ASB13: variants seen among roughly 807,000 people sequenced by gnomAD.
The protein encoded by ASB13 is ankyrin repeat and SOCS box protein 13.
Under a neutral mutation model 28.8 loss-of-function variants are expected in ASB13, and 33 were observed. That is an observed-to-expected ratio of 1.15 (90% CI 0.87 to 1.53). The LOEUF is 1.53. Ranked by LOEUF, ASB13 falls within the 40% of genes most tolerant of loss-of-function variation. ASB13 has a pLI of 0.00. For synonymous variants in ASB13, 182 were observed against 172.9 expected (o/e 1.05, Z -0.41); for missense variants, 414 against 390.1 (o/e 1.06, Z -0.52).
At position 5,642,700 on chromosome 10, in the gene ASB13, G is replaced by A; in HGVS notation, c.518-739C>T. 3.2e-6 allele frequency: 1 copy of A among 314,416 alleles called. No homozygotes were observed. The highest frequency in any genetic ancestry group is 6.0e-6 in the Non-Finnish European group (1 of 166,318). The allele number at this position is 314,416 out of a possible 1,614,324, so 19.5% of individuals were successfully genotyped here. ...CTCACTCTGTTGCCCAGGCTGGAGTGCAGTGACATGATCTCGGCTCACTGC... is the reference window on the plus strand; with the variant it reads ...CTCACTCTGTTGCCCAGGCTGGAGTACAGTGACATGATCTCGGCTCACTGC... On this transcript the variant is annotated intron_variant, in intron 4 of 5. Transcript: ENST00000357700. The surrounding 1 kb of genome is among the most constrained non-coding windows in gnomAD (Gnocchi z 4.1).
intron 4 of ASB13, among the ~76,000 whole-genome samples, chr10:5,646,830 A>G (rs4749987): frequency 6.6e-6 from 1 of 152,058 alleles, no homozygotes; most frequent in East Asian, 1.9e-4. Context: ...TACTGAGCTC[A>G]TAAAGGCTTG....
intron 4 of ASB13, among the ~76,000 whole-genome samples, chr10:5,643,867 C>A (rs369974559): frequency 4.4e-4 from 67 of 152,334 alleles, no homozygotes; most frequent in African/African-American, 1.5e-3. Flanking sequence ...GGAGGCACAG[C>A]TACTCTCTCA....
rs1010771313 is a variant in ASB13, at chr10:5,655,936, C to A, written c.44-2886G>T. On this transcript the variant is annotated intron_variant, in intron 1 of 5. Transcript: ENST00000357700. The surrounding 1 kb of genome is among the most constrained non-coding windows in gnomAD (Gnocchi z 6.2). ...GGATTTAGCGTCTTCCGCTGCCACA[C>A]GCAAAGATGACTAAGATGCAGCAAT... is the stretch of plus-strand genomic sequence containing the variant. 6.6e-6 allele frequency among the ~76,000 whole-genome samples: 1 copy of A among 152,214 alleles called. No homozygotes were observed.
chr10:5,647,566 T>G (rs1834904452), intron 4 of ASB13, among the ~76,000 whole-genome samples: 1 of 152,150 alleles, frequency 6.6e-6, no homozygotes, highest in Admixed American at 6.5e-5. Flanking sequence ...TCCCATTACA[T>G]CCCCTTCTCT....
At position 5,651,279 on chromosome 10, in the gene ASB13, A is replaced by G. The variant is rs780441775; in HGVS notation, c.316T>C (p.Ser106Pro). 4 of 1,613,978 alleles carry G rather than the reference A, an allele frequency of 2.5e-6. No homozygotes were observed. The highest frequency in any genetic ancestry group is 3.3e-5 in the Admixed American group (2 of 59,992). The change falls in exon 3 of 6, where the codon TCC becomes CCC. Residue 106 changes from serine (S) to proline (P), a missense_variant. Coordinates refer to ENST00000357700, the MANE Select transcript of ASB13 (RefSeq NM_024701.4). This position sits in a 1 kb window ranked among gnomAD's most constrained non-coding sequence, Gnocchi z 5.1. ...GGAGGGTTGACCTTGGCCCCGTAGG[A>G]CAGCAAGAGCTTCACACACTCGATG... ...GSIECVKLLL[S>P]YGAKVNPPLY...
At position 5,648,952 on chromosome 10, in the gene ASB13, G is replaced by A. The variant is rs1206210521; in HGVS notation, c.517+18C>T. On this transcript the variant is annotated intron_variant, in intron 4 of 5. Transcript: ENST00000357700. ...CACCCACTCAGGTAAACACCCGCTC[G>A]GGCAAACACCCACTCACCTGCATTG... 7.4e-6 allele frequency: 12 copies of A among 1,611,160 alleles called. No homozygotes were observed. Among genetic ancestry groups the A allele is most frequent in the African/African-American group, 2.7e-5 (2 of 74,782 alleles).
rs770205141 is a variant in ASB13 at position 5,656,446 on chromosome 10, G to A, written c.44-3396C>T. Among the ~76,000 whole-genome samples, 1 of 152,020 alleles carries A rather than the reference G, an allele frequency of 6.6e-6. No individual in the cohort carries two copies. Among genetic ancestry groups the A allele is most frequent in the Non-Finnish European group, 1.5e-5 (1 of 68,030 alleles). Reference sequence around the variant, plus strand: ...CCCAGCTACTCAGGAGGCGGAGGCAGCAGAATCGCTTGAACCCAGGAGGCG... The same window carrying A: ...CCCAGCTACTCAGGAGGCGGAGGCAACAGAATCGCTTGAACCCAGGAGGCG... On this transcript the variant is annotated intron_variant, in intron 1 of 5. Coordinates refer to ENST00000357700, the MANE Select transcript of ASB13 (RefSeq NM_024701.4). The surrounding 1 kb of genome is among the most constrained non-coding windows in gnomAD (Gnocchi z 4.3).
chr10:5,663,985 C>G lies in ASB13; in HGVS notation c.43+2524G>C, dbSNP rs941965879. Among the ~76,000 whole-genome samples, 7 of 152,080 alleles carry G rather than the reference C, an allele frequency of 4.6e-5. No individual in the cohort carries two copies. The highest frequency in any genetic ancestry group is 1.0e-4 in the Non-Finnish European group (7 of 68,026). Reference sequence around the variant, plus strand: ...CAAAGATCTCACTCAACTGAGAGTACCTGGATGGGGAGACATAAATCCATA... The same window carrying G: ...CAAAGATCTCACTCAACTGAGAGTAGCTGGATGGGGAGACATAAATCCATA... On this transcript the variant is annotated intron_variant, in intron 1 of 5. Coordinates refer to ENST00000357700, the MANE Select transcript of ASB13 (RefSeq NM_024701.4). This position sits in a 1 kb window ranked among gnomAD's most constrained non-coding sequence, Gnocchi z 4.9.
In ASB13 at chr10:5,652,778, CCT is replaced by C. The variant is rs1835006874; in HGVS notation, c.231+83_231+84del. ...GGACACAGTGCAGCCCCCATCCTCC[CCT>C]CTTTCCCAAGTTCTCCTGAGTCAAC... On this transcript the variant is annotated intron_variant, in intron 2 of 5. Coordinates refer to ENST00000357700, the MANE Select transcript of ASB13 (RefSeq NM_024701.4). This position sits in a 1 kb window ranked among gnomAD's most constrained non-coding sequence, Gnocchi z 5.0. 5 of 1,382,186 alleles carry C rather than the reference CCT, an allele frequency of 3.6e-6. No individual in the cohort carries two copies. In the South Asian group the frequency reaches 4.4e-5, roughly 12 times the overall value. The allele number at this position is 1,382,186 out of a possible 1,614,324, so 85.6% of individuals were successfully genotyped here.
In ASB13 at chr10:5,651,106, G is replaced by A; in HGVS notation, c.382+107C>T. The A allele has an allele frequency of 7.2e-7, 1 of 1,385,064 alleles. No homozygotes were observed. 85.8% of individuals were successfully genotyped at this position (1,385,064 alleles called of 1,614,324 possible). ...TCAGAACTCTCCTTCACCAGCCAAG[G>A]GCTCCCAATTCTGTCTACTCTGCTT... On this transcript the variant is annotated intron_variant, in intron 3 of 5. Transcript: ENST00000357700. This position sits in a 1 kb window ranked among gnomAD's most constrained non-coding sequence, Gnocchi z 5.1.
rs1176273854 is a variant in ASB13 at position 5,661,878 on chromosome 10, C to T, written c.43+4631G>A. Among the ~76,000 whole-genome samples, 1 of 152,166 alleles carries T rather than the reference C, an allele frequency of 6.6e-6. No individual in the cohort carries two copies. The highest frequency in any genetic ancestry group is 1.5e-5 in the Non-Finnish European group (1 of 68,042). ...CAAGGGGAGTCTGGGGTCCTGGCTG[C>T]AGAAATGTCATTTCTGCGTCAAAAA... On this transcript the variant is annotated intron_variant, in intron 1 of 5. Coordinates refer to ENST00000357700, the MANE Select transcript of ASB13 (RefSeq NM_024701.4). This position sits in a 1 kb window ranked among gnomAD's most constrained non-coding sequence, Gnocchi z 4.9.
chr10:5,642,891 C>G lies in ASB13; in HGVS notation c.518-930G>C, dbSNP rs534149780. Reference sequence around the variant, plus strand: ...AACTCCTGGCTACGGGCATGAGCCACCACACCTGGTCACATATGGCATTTT... The same window carrying G: ...AACTCCTGGCTACGGGCATGAGCCAGCACACCTGGTCACATATGGCATTTT... On this transcript the variant is annotated intron_variant, in intron 4 of 5. Coordinates refer to ENST00000357700, the MANE Select transcript of ASB13 (RefSeq NM_024701.4). This position sits in a 1 kb window ranked among gnomAD's most constrained non-coding sequence, Gnocchi z 4.1. 6.6e-6 allele frequency among the ~76,000 whole-genome samples: 1 copy of G among 152,112 alleles called. No individual in the cohort carries two copies. Among genetic ancestry groups the G allele is most frequent in the Non-Finnish European group, 1.5e-5 (1 of 68,012 alleles).
At position 5,651,247 on chromosome 10, in the gene ASB13, G is replaced by T. The variant is rs564865757; in HGVS notation, c.348C>A (p.Tyr116Ter). The T allele has an allele frequency of 6.2e-7, 1 of 1,613,986 alleles. No individual in the cohort carries two copies. ...SYGAKVNPPL[Y>*]TASPLHEACM... The stretch of plus-strand genomic sequence containing the variant: ...AGGCCTCGTGCAGGGGGGACGCTGT[G>T]TACAGGGGAGGGTTGACCTTGGCCC... The change falls in exon 3 of 6, where the codon TAC becomes TAA. Residue 116 changes from tyrosine to a stop codon, truncating the protein, a stop_gained. Transcript: ENST00000357700. LOFTEE classifies it high-confidence loss of function. The surrounding 1 kb of genome is among the most constrained non-coding windows in gnomAD (Gnocchi z 5.1).
Position 5,642,036 on chromosome 10 carries a change from G to A in ASB13, c.518-75C>T, listed in dbSNP as rs575714782. The A allele has an allele frequency of 1.1e-5, 16 of 1,437,302 alleles. No individual in the cohort carries two copies. Among genetic ancestry groups the A allele is most frequent in the Admixed American group, 3.8e-5 (2 of 52,650 alleles). 89.0% of individuals were successfully genotyped at this position (1,437,302 alleles called of 1,614,324 possible). Reference sequence around the variant, plus strand: ...TCAGGGGGACAATCAGGTCCGTTTCGTCACACAGCACGGTGGCAGAAGCAA... The same window carrying A: ...TCAGGGGGACAATCAGGTCCGTTTCATCACACAGCACGGTGGCAGAAGCAA... On this transcript the variant is annotated intron_variant, in intron 4 of 5. Coordinates refer to ENST00000357700, the MANE Select transcript of ASB13 (RefSeq NM_024701.4). The surrounding 1 kb of genome is among the most constrained non-coding windows in gnomAD (Gnocchi z 4.1).
chr10:5,654,480 T>C (rs1453672172), intron 1 of ASB13, among the ~76,000 whole-genome samples: 1 of 152,224 alleles, frequency 6.6e-6, no homozygotes, highest in Non-Finnish European at 1.5e-5. Context: ...GGCTTAGTCA[T>C]GTTTCTTTAT....
At position 5,663,309 on chromosome 10, in the gene ASB13, A is replaced by G. The variant is rs1254942557; in HGVS notation, c.43+3200T>C. On this transcript the variant is annotated intron_variant, in intron 1 of 5. Coordinates refer to ENST00000357700, the MANE Select transcript of ASB13 (RefSeq NM_024701.4). The surrounding 1 kb of genome is among the most constrained non-coding windows in gnomAD (Gnocchi z 4.9). ...AAGGTGTCAGGAGAGCTTGGTGAAT[A>G]ACAGGCATTTCCTTCCACCTGCAGG... Among the ~76,000 whole-genome samples the G allele has an allele frequency of 1.4e-4, 22 of 152,232 alleles. No homozygotes were observed. The highest frequency in any genetic ancestry group is 1.4e-3 in the Admixed American group (22 of 15,282).
In ASB13 at chr10:5,639,003, G is replaced by A. The variant is rs1575; in HGVS notation, c.*1700C>T. The A allele has an allele frequency of 0.018, 2,798 of 152,690 alleles. 36 individuals are homozygous for A. The highest frequency in any genetic ancestry group is 0.067 in the East Asian group (350 of 5,188). 9.5% of individuals were successfully genotyped at this position (152,690 alleles called of 1,614,324 possible). ...TACAAAGATGAAAGGGCAGAACCCA[G>A]TGCTTTTTTTAATGGTTGTTATTCC... On this transcript the variant is annotated 3_prime_UTR_variant, in exon 6 of 6. Transcript: ENST00000357700.
chr10:5,640,969 G>C, intron 5 of ASB13, 139 bp from the exon 6 acceptor site: 4 of 1,156,498 alleles, frequency 3.5e-6, no homozygotes, highest in Non-Finnish European at 4.8e-6. Context: ...GCCTTCTCTG[G>C]AAGGACAGCC....
At position 5,652,974 on chromosome 10, in the gene ASB13, C is replaced by T. The variant is rs1489014725; in HGVS notation, c.120G>A (p.Glu40=). 7.0e-6 allele frequency: 11 copies of T among 1,560,728 alleles called. No homozygotes were observed. The highest frequency in any genetic ancestry group is 8.7e-6 in the Non-Finnish European group (10 of 1,152,012). ...GESLQLQQLI[E]SGACVNQVTV... ...TGACCTGGTTCACGCAGGCGCCGCT[C>T]TCGATCAGCTGTTGCAGCTGCAGGC... The change falls in exon 2 of 6, where the codon GAG becomes GAA. Residue 40 remains glutamate (E), a synonymous_variant. Coordinates refer to ENST00000357700, the MANE Select transcript of ASB13 (RefSeq NM_024701.4). The surrounding 1 kb of genome is among the most constrained non-coding windows in gnomAD (Gnocchi z 5.0).
Sources: allele counts gnomAD v4.1 joint callset (sites outside exome capture counted in the v4.1 genomes callset), GRCh38; gene constraint gnomAD v4.1.1; non-coding constraint Gnocchi (gnomAD v3.1); transcripts MANE v1.5; gene names NCBI Gene and HGNC (gene_info 2026-07-23, HGNC 2026-07-21).